LYRM2: variants seen among roughly 807,000 people sequenced by gnomAD.
LYRM2 encodes the protein LYR motif containing 2, also known as LYR motif-containing protein 2.
In LYRM2, 8 loss-of-function variants were observed where a neutral mutation model predicts 11.6. The observed-to-expected ratio is 0.69, with a 90% CI of 0.40 to 1.24. LYRM2 has a LOEUF of 1.24. LYRM2 is among the 50% of genes most tolerant of loss of function. LYRM2 has a pLI of 0.01. For missense variants in LYRM2, 117 were observed against 102.9 expected, an observed-to-expected ratio of 1.14 and a Z score of -0.59; for synonymous variants, 30 against 36.4, an observed-to-expected ratio of 0.83 and a Z score of 0.63.
In LYRM2 at chr6:89,638,723, C is replaced by T; in HGVS notation, c.-7G>A. The T allele has an allele frequency of 1.9e-6, 3 of 1,613,990 alleles. No individual in the cohort carries two copies. Among genetic ancestry groups the T allele is most frequent in the Non-Finnish European group, 2.5e-6 (3 of 1,179,936 alleles). On this transcript the variant is annotated 5_prime_UTR_variant, in exon 1 of 3. Transcript: ENST00000523377. ...GTAAGCGGGAAGCAGCCATGTCCAC[C>T]AGAGGTCCGCCGGAGCCTCAGCGCG...
At position 89,634,749 on chromosome 6, in the gene LYRM2, C is replaced by G. The variant is rs1456209007; in HGVS notation, c.*2524G>C. 6.6e-6 allele frequency: 1 copy of G among 152,156 alleles called. No homozygotes were observed. Among genetic ancestry groups the G allele is most frequent in the Non-Finnish European group, 1.5e-5 (1 of 68,050 alleles). 9.4% of individuals were successfully genotyped at this position (152,156 alleles called of 1,614,324 possible). On this transcript the variant is annotated 3_prime_UTR_variant, in exon 3 of 3. Transcript: ENST00000523377. ...GTGTTTCTTGCAGGCACATCTATGG[C>G]AATGCTTGTACCATGAATTTAAAAC...
intron 1 of LYRM2, among the ~76,000 whole-genome samples, 154 bp from the exon 2 acceptor site, chr6:89,638,036 T>C (rs1309075688): frequency 1.3e-5 from 2 of 152,072 alleles, no homozygotes; most frequent in East Asian, 3.9e-4. Flanking sequence ...TTTGGCCAGA[T>C]GCAGTGGCTC....
chr6:89,638,455 A>G (rs1584060173), intron 1 of LYRM2: 7 of 1,462,316 alleles, frequency 4.8e-6, no homozygotes, highest in Non-Finnish European at 6.3e-6. Context: ...CAAGCGCCTG[A>G]CGCTGTCTCA....
rs1198011452 is a variant in LYRM2 at position 89,635,080 on chromosome 6, G to A, written c.*2193C>T. 6.6e-6 allele frequency: 1 copy of A among 152,140 alleles called. No homozygotes were observed. Among genetic ancestry groups the A allele is most frequent in the African/African-American group, 2.4e-5 (1 of 41,416 alleles). 9.4% of individuals were successfully genotyped at this position (152,140 alleles called of 1,614,324 possible). A position where few individuals can be genotyped will look rare whatever the true frequency, so the allele number is the denominator to read the frequency against. ...TGCTTTAAAAAACAAAAAAACTTAG[G>A]TTTTCTTGGAGTCTGTGCTAGTTGA... On this transcript the variant is annotated 3_prime_UTR_variant, in exon 3 of 3. Transcript: ENST00000523377.
At position 89,633,827 on chromosome 6, in the gene LYRM2, G is replaced by T. The variant is rs1324294372; in HGVS notation, c.*3446C>A. 2 of 152,212 alleles carry T rather than the reference G, an allele frequency of 1.3e-5. No homozygotes were observed. Among genetic ancestry groups the T allele is most frequent in the African/African-American group, 4.8e-5 (2 of 41,448 alleles). The allele number at this position is 152,212 out of a possible 1,614,324, so 9.4% of individuals were successfully genotyped here. On this transcript the variant is annotated 3_prime_UTR_variant, in exon 3 of 3. Transcript: ENST00000523377. Reference sequence around the variant, plus strand: ...TAAATTCCTTATTAAAAAAATGCAAGTGTGAATACTTTGTTTAGCTTACAT... The same window carrying T: ...TAAATTCCTTATTAAAAAAATGCAATTGTGAATACTTTGTTTAGCTTACAT...
rs532103278 is a variant in LYRM2, at chr6:89,638,110, A to G, written c.46-228T>C. ...AGGATCACTTGAGCCCAGGAGGTCT[A>G]AGCTGAGGTAAGCCTTCATTGCGCT... is the stretch of plus-strand genomic sequence containing the variant. On this transcript the variant is annotated intron_variant, in intron 1 of 2. Transcript: ENST00000523377. 2.0e-5 allele frequency among the ~76,000 whole-genome samples: 3 copies of G among 152,276 alleles called. No homozygotes were observed. In the East Asian group the frequency reaches 5.8e-4, roughly 29 times the overall value.
rs1563221670 is a variant in LYRM2 at position 89,637,866 on chromosome 6, TG to T, written c.61del (p.Gln21LysfsTer25). The stretch of plus-strand genomic sequence containing the variant: ...AATCCTTCTGTAGAGGAGAAGAACT[TG>T]TTGCCTTCTTACGAACTGTAAAAGG... ...LTLKQFVRRQQVLLLYRRILQ... is the reference protein window; with the variant it reads ...LTLKQFVRRQXVLLLYRRILQ... On this transcript the variant is annotated frameshift_variant, in exon 2 of 3. Transcript: ENST00000523377. LOFTEE classifies it high-confidence loss of function. 3.1e-6 allele frequency: 5 copies of T among 1,613,840 alleles called. No individual in the cohort carries two copies.
chr6:89,638,633 C>G, intron 1 of LYRM2, 39 bp downstream of exon 1: 1 of 1,613,682 alleles, frequency 6.2e-7, no homozygotes, highest in Non-Finnish European at 8.5e-7. Context: ...CAGCTCAGAC[C>G]CAGGTAAGCT....
chr6:89,632,690 C>T lies in LYRM2; in HGVS notation c.*4583G>A, dbSNP rs577270007. 3 of 152,310 alleles carry T rather than the reference C, an allele frequency of 2.0e-5. No individual in the cohort carries two copies. Among genetic ancestry groups the T allele is most frequent in the African/African-American group, 7.2e-5 (3 of 41,566 alleles). 9.4% of individuals were successfully genotyped at this position (152,310 alleles called of 1,614,324 possible). A position where few individuals can be genotyped will look rare whatever the true frequency, so the allele number is the denominator to read the frequency against. ...GCTTGTCTTGTTCTCAACTACTACG[C>T]AGGTAGACAGTCTTCCCCCAGAGAC... On this transcript the variant is annotated 3_prime_UTR_variant, in exon 3 of 3. Transcript: ENST00000523377.
rs1259519483 is a variant in LYRM2, at chr6:89,632,682, C to G, written c.*4591G>C. 6.6e-6 allele frequency: 1 copy of G among 152,200 alleles called. No homozygotes were observed. The highest frequency in any genetic ancestry group is 1.5e-5 in the Non-Finnish European group (1 of 68,036). The allele number at this position is 152,200 out of a possible 1,614,324, so 9.4% of individuals were successfully genotyped here. On this transcript the variant is annotated 3_prime_UTR_variant, in exon 3 of 3. Transcript: ENST00000523377. Reference sequence around the variant, plus strand: ...GTTTGGGAGCTTGTCTTGTTCTCAACTACTACGCAGGTAGACAGTCTTCCC... The same window carrying G: ...GTTTGGGAGCTTGTCTTGTTCTCAAGTACTACGCAGGTAGACAGTCTTCCC...
At chr6:89,637,638 G>C (rs1230942014) in intron 2 of LYRM2, 104 bp downstream of exon 2, 1 of 1,068,462 alleles carries the variant, frequency 9.4e-7, no homozygotes, top group Non-Finnish European at 1.4e-6. Flanking sequence ...AGATATACCA[G>C]CTCAGTGGCA....
In LYRM2 at chr6:89,637,844, C is replaced by A. The variant is rs1364732037; in HGVS notation, c.84G>T (p.Arg28Ser). The change falls in exon 2 of 3, where the codon AGG becomes AGT. Residue 28 changes from arginine to serine, a missense_variant. Coordinates refer to ENST00000523377, the MANE Select transcript of LYRM2 (RefSeq NM_020466.5). ...RRQQVLLLYR[R>S]ILQTIRQVPN... ...GAACTTGCCGAATTGTTTGCAAAAT[C>A]CTTCTGTAGAGGAGAAGAACTTGTT... 1 of 1,614,048 alleles carries A rather than the reference C, an allele frequency of 6.2e-7. No homozygotes were observed. Among genetic ancestry groups the A allele is most frequent in the African/African-American group, 1.3e-5 (1 of 75,018 alleles).
rs960326924 is a variant in LYRM2, at chr6:89,635,625, C to T, written c.*1648G>A. 2.0e-5 allele frequency: 3 copies of T among 152,300 alleles called. No homozygotes were observed. The highest frequency in any genetic ancestry group is 4.4e-5 in the Non-Finnish European group (3 of 68,052). 9.4% of individuals were successfully genotyped at this position (152,300 alleles called of 1,614,324 possible). On this transcript the variant is annotated 3_prime_UTR_variant, in exon 3 of 3. Coordinates refer to ENST00000523377, the MANE Select transcript of LYRM2 (RefSeq NM_020466.5). ...GGTCATTCTTAGATTAGCTTCTTAG[C>T]TGTTCTGTTGATAAACAGAAGACTT...
At chr6:89,638,473 G>T in intron 1 of LYRM2, 199 bp downstream of exon 1, 1 of 1,489,220 alleles carries the variant, frequency 6.7e-7, no homozygotes, top group Non-Finnish European at 8.9e-7. Flanking sequence ...TCACGCGATC[G>T]CACCAAACCA....
In LYRM2 at chr6:89,637,859, A is replaced by G. The variant is rs370758481; in HGVS notation, c.69T>C (p.Leu23=). Residue 23 remains leucine (L), a synonymous_variant, in exon 2 of 3, where the codon CTT becomes CTC. Coordinates refer to ENST00000523377, the MANE Select transcript of LYRM2 (RefSeq NM_020466.5). ...TTTGCAAAATCCTTCTGTAGAGGAG[A>G]AGAACTTGTTGCCTTCTTACGAACT... ...LKQFVRRQQV[L]LLYRRILQTI... 43 of 1,613,880 alleles carry G rather than the reference A, an allele frequency of 2.7e-5. No homozygotes were observed. Among genetic ancestry groups the G allele is most frequent in the Non-Finnish European group, 3.3e-5 (39 of 1,179,932 alleles).
At chr6:89,638,481 C>A in intron 1 of LYRM2, 191 bp downstream of exon 1, 1 of 1,506,556 alleles carries the variant, frequency 6.6e-7, no homozygotes. Context: ...TCGCACCAAA[C>A]CAAGGAAGCA....
Position 89,633,576 on chromosome 6 carries a change from G to T in LYRM2, c.*3697C>A, listed in dbSNP as rs1217035412. The T allele has an allele frequency of 1.3e-5, 2 of 152,118 alleles. No homozygotes were observed. The highest frequency in any genetic ancestry group is 2.9e-5 in the Non-Finnish European group (2 of 68,016). The allele number at this position is 152,118 out of a possible 1,614,324, so 9.4% of individuals were successfully genotyped here. ...TGTACAGTATTAGTGTTTTTTTAAA[G>T]AAATTGTTAGTGCATTATTGAGTAT... is the stretch of plus-strand genomic sequence containing the variant. On this transcript the variant is annotated 3_prime_UTR_variant, in exon 3 of 3. Transcript: ENST00000523377.
chr6:89,638,612 G>T, intron 1 of LYRM2, 60 bp downstream of exon 1: 2 of 1,612,192 alleles, frequency 1.2e-6, no homozygotes, highest in African/African-American at 1.3e-5. Flanking sequence ...GATAGGGACA[G>T]ATGGAGAATC....
In LYRM2 at chr6:89,636,750, G is replaced by T. The variant is rs1270475476; in HGVS notation, c.*523C>A. The T allele has an allele frequency of 6.8e-6, 1 of 147,722 alleles. No individual in the cohort carries two copies. Among genetic ancestry groups the T allele is most frequent in the Non-Finnish European group, 1.5e-5 (1 of 67,452 alleles). 9.2% of individuals were successfully genotyped at this position (147,722 alleles called of 1,614,324 possible). On this transcript the variant is annotated 3_prime_UTR_variant, in exon 3 of 3. Coordinates refer to ENST00000523377, the MANE Select transcript of LYRM2 (RefSeq NM_020466.5). The stretch of plus-strand genomic sequence containing the variant: ...GCTGAAGTGCAGTGGCACGACCTCA[G>T]CTCACTGCAACCTCCACTTCCTGGG...
Sources: gnomAD v4.1 joint callset for allele counts (sites outside exome capture counted in the v4.1 genomes callset) on GRCh38, gnomAD v4.1.1 for gene constraint, MANE v1.5 for transcripts, NCBI Gene and HGNC (gene_info 2026-07-23, HGNC 2026-07-21) for gene names.